KLRG1: variants seen among roughly 807,000 people sequenced by gnomAD.
KLRG1 encodes killer cell lectin like receptor G1.
KLRG1 carries 16 observed loss-of-function variants against 21.8 expected under a neutral mutation model. The observed-to-expected ratio is 0.73, with a 90% confidence interval of 0.50 to 1.11. The LOEUF is 1.11. Ranked by LOEUF, KLRG1 falls within the 50% of genes most tolerant of loss-of-function variation. KLRG1 has a pLI of 0.00. For missense variants in KLRG1, 173 were observed against 218.3 expected, an observed-to-expected ratio of 0.79 and a Z score of 1.31; for synonymous variants, 69 against 75.9, an observed-to-expected ratio of 0.91 and a Z score of 0.47.
rs76420050 is a variant in KLRG1 at position 8,999,436 on chromosome 12, C to T, written c.357+4148C>T. On this transcript the variant is annotated intron_variant, in intron 3 of 4. Coordinates refer to ENST00000356986, the MANE Select transcript of KLRG1 (RefSeq NM_005810.4). Reference sequence around the variant, plus strand: ...ATATGATCCAACTTTACTCTTGCAACAACCTCTCATTCAACTTTACCTATC... The same window carrying T: ...ATATGATCCAACTTTACTCTTGCAATAACCTCTCATTCAACTTTACCTATC... Among the ~76,000 whole-genome samples the T allele has an allele frequency of 2.5e-3, 375 of 152,332 alleles. 2 individuals are homozygous for T. Among genetic ancestry groups the T allele is most frequent in the African/African-American group, 8.5e-3 (354 of 41,566 alleles).
the KLRG1 span, among the ~76,000 whole-genome samples, chr12:9,044,899 A>C: frequency 2.0e-5 from 3 of 152,212 alleles, no homozygotes; most frequent in Admixed American, 6.5e-5. Flanking sequence ...GACATGTATT[A>C]GGATATTCAG....
chr12:9,208,252 G>A, the KLRG1 span: 1 of 1,609,852 alleles, frequency 6.2e-7, no homozygotes, highest in African/African-American at 1.3e-5. Flanking sequence ...TCTTGAGTGA[G>A]ACTTACGGTT....
the KLRG1 span, among the ~76,000 whole-genome samples, chr12:9,180,506 A>ACTAT: frequency 6.6e-6 from 1 of 152,202 alleles, no homozygotes; most frequent in Non-Finnish European, 1.5e-5. Context: ...CATATCTACA[A>ACTAT]CTATCTGATC....
chr12:8,972,422 G>A (rs1262133423), intron 1 of KLRG1, among the ~76,000 whole-genome samples: 1 of 152,182 alleles, frequency 6.6e-6, no homozygotes, highest in Non-Finnish European at 1.5e-5. Flanking sequence ...GCATCCCAAA[G>A]TGCTGGGATT....
chr12:9,157,719 C>A, the KLRG1 span: 1 of 1,551,758 alleles, frequency 6.4e-7, no homozygotes, highest in Non-Finnish European at 8.9e-7. Context: ...TTCCAGACAG[C>A]AAATCTACAG....
chr12:9,150,848 T>A, the KLRG1 span: 7 of 738,016 alleles, frequency 9.5e-6, no homozygotes, highest in African/African-American at 1.1e-4. Flanking sequence ...TTCACCAGTG[T>A]CTTTAGGTGA....
the KLRG1 span, among the ~76,000 whole-genome samples, chr12:9,143,579 G>A: frequency 6.6e-6 from 1 of 152,266 alleles, no homozygotes; most frequent in African/African-American, 2.4e-5. Flanking sequence ...GGGAGGGTCA[G>A]GATCTTAGGT....
the KLRG1 span, among the ~76,000 whole-genome samples, chr12:9,018,021 A>G: frequency 3.9e-5 from 6 of 152,228 alleles, no homozygotes; most frequent in Admixed American, 3.9e-4. Flanking sequence ...TACAATAGCT[A>G]CAAATAAAAT....
the KLRG1 span, among the ~76,000 whole-genome samples, chr12:9,211,994 C>T: frequency 6.6e-6 from 1 of 152,108 alleles, no homozygotes. Context: ...CTTTAGAGTC[C>T]ACAGATTGTA....
chr12:9,106,506 G>C, the KLRG1 span: 2 of 1,594,878 alleles, frequency 1.3e-6, no homozygotes, highest in South Asian at 1.1e-5. Flanking sequence ...CCTTCTTCTT[G>C]GATCTGGGCC....
chr12:9,209,746 TTA>T, the KLRG1 span, among the ~76,000 whole-genome samples: 2 of 152,122 alleles, frequency 1.3e-5, no homozygotes, highest in Non-Finnish European at 2.9e-5. Context: ...CAAGATGTGT[TTA>T]TGTTTTTAAT....
chr12:9,178,104 AT>A, the KLRG1 span, among the ~76,000 whole-genome samples: 10 of 152,226 alleles, frequency 6.6e-5, no homozygotes, highest in Non-Finnish European at 1.3e-4. Flanking sequence ...ATCAAGAAAA[AT>A]TTTGATTATA....
intron 1 of KLRG1, among the ~76,000 whole-genome samples, chr12:8,966,297 A>G (rs1386808979): frequency 1.3e-5 from 2 of 152,226 alleles, no homozygotes; most frequent in Non-Finnish European, 2.9e-5. Flanking sequence ...TCATGTCTAA[A>G]ACACCAAAAG....
At chr12:9,024,744 G>A in the KLRG1 span, among the ~76,000 whole-genome samples, 2,422 of 152,176 alleles carry the variant, frequency 0.016, 62 homozygotes, top group African/African-American at 0.055. Context: ...CTTCACCCCT[G>A]GTTCCATTTT....
At chr12:8,987,930 G>A (rs192781090), upstream of KLRG1, among the ~76,000 whole-genome samples, 1 of 152,324 alleles carries the variant, frequency 6.6e-6, no homozygotes, top group African/African-American at 2.4e-5. Context: ...CTCAGAGGCA[G>A]CTAAACTATT....
chr12:9,009,237 CAAAAAAAAA>C (rs112576720), intron 4 of KLRG1, among the ~76,000 whole-genome samples, 162 bp downstream of exon 4: 4 of 107,874 alleles, frequency 3.7e-5, no homozygotes, highest in Non-Finnish European at 8.0e-5. Context: ...TGGGTAAGGG[CAAAAAAAAA>C]AAAAAAAAGG....
chr12:9,147,722 T>C, the KLRG1 span, among the ~76,000 whole-genome samples: 1 of 152,214 alleles, frequency 6.6e-6, no homozygotes, highest in Non-Finnish European at 1.5e-5. Context: ...TACTGTGTTA[T>C]GGCTCCACTC....
the KLRG1 span, among the ~76,000 whole-genome samples, chr12:9,018,600 C>A: frequency 1.3e-5 from 2 of 150,794 alleles, no homozygotes; most frequent in Non-Finnish European, 3.0e-5. Flanking sequence ...CTAGACCTTT[C>A]TGAGGCTGAG....
chr12:9,125,721 A>G, the KLRG1 span, among the ~76,000 whole-genome samples: 1 of 152,158 alleles, frequency 6.6e-6, no homozygotes, highest in African/African-American at 2.4e-5. Context: ...GCGTGTATGT[A>G]TATTTTTTGT....
Sources: allele counts gnomAD v4.1 joint callset (sites outside exome capture counted in the v4.1 genomes callset), GRCh38; gene constraint gnomAD v4.1.1; transcripts MANE v1.5; gene names NCBI Gene and HGNC (gene_info 2026-07-23, HGNC 2026-07-21).